Variants in PPP1R9A observed in about 807,000 individuals in gnomAD.
PPP1R9A encodes the protein protein phosphatase 1 regulatory subunit 9A.
PPP1R9A carries 59 observed loss-of-function variants against 141.9 expected under a neutral mutation model. The ratio of observed to expected loss-of-function variants is 0.42; its 90% CI spans 0.34 to 0.52. The LOEUF (loss-of-function observed/expected upper bound fraction) is 0.52, where lower values mean the gene tolerates loss of function less well. PPP1R9A is among the 20% of genes least tolerant of loss of function. PPP1R9A has a pLI of 0.10. For synonymous variants in PPP1R9A, 500 were observed against 569.7 expected (o/e 0.88, Z 1.74); for missense variants, 1,444 against 1,611.9 (o/e 0.90, Z 1.78).
intron 4 of PPP1R9A, among the ~76,000 whole-genome samples, chr7:95,143,937 AT>A (rs147626030): frequency 0.012 from 1,761 of 152,238 alleles, 40 homozygotes; most frequent in African/African-American, 0.038. Context: ...AAATGAGTGT[AT>A]CATTAACATA....
chr7:95,279,579 C>T (rs854532), intron 16 of PPP1R9A, among the ~76,000 whole-genome samples: 41,649 of 152,036 alleles, frequency 0.27, 6,639 homozygotes, highest in Middle Eastern at 0.48. Flanking sequence ...GCCTGACAAA[C>T]TTACATTCTT....
chr7:95,018,783 A>G (rs987440407), intron 2 of PPP1R9A, among the ~76,000 whole-genome samples: 2 of 152,150 alleles, frequency 1.3e-5, no homozygotes, highest in Non-Finnish European at 2.9e-5. Context: ...CAATGCAAAC[A>G]TGAAGCTCTT....
intron 2 of PPP1R9A, among the ~76,000 whole-genome samples, chr7:95,001,550 A>G (rs1584214256): frequency 1.3e-5 from 2 of 152,222 alleles, no homozygotes; most frequent in South Asian, 2.1e-4. Flanking sequence ...GACTCTCACA[A>G]TGTTATCCTT....
At chr7:95,282,681 C>T (rs969967297) in intron 16 of PPP1R9A, among the ~76,000 whole-genome samples, 1 of 152,182 alleles carries the variant, frequency 6.6e-6, no homozygotes, top group Non-Finnish European at 1.5e-5. Flanking sequence ...GAGTTCCTCA[C>T]CTAGAGTGTA....
intron 2 of PPP1R9A, among the ~76,000 whole-genome samples, chr7:94,957,764 TAC>T (rs1797220954): frequency 1.3e-5 from 2 of 152,194 alleles, no homozygotes; most frequent in South Asian, 4.1e-4. Flanking sequence ...TAGCCCACTT[TAC>T]TGTACGACCC....
At position 95,070,593 on chromosome 7, in the gene PPP1R9A, GTATA is replaced by G. The variant is rs71961632; in HGVS notation, c.1396-40651_1396-40648del. Among the ~76,000 whole-genome samples the G allele has an allele frequency of 1.7e-4, 19 of 111,910 alleles. 2 individuals are homozygous for G. Among genetic ancestry groups the G allele is most frequent in the African/African-American group, 3.6e-4 (10 of 27,928 alleles). 73.4% of individuals were successfully genotyped at this position (111,910 alleles called of 152,430 possible). A position where few individuals can be genotyped will look rare whatever the true frequency, so the allele number is the denominator to read the frequency against. ...ATTTCAATTATTTTTTAAATCTCTG[GTATA>G]TATATATATATATACACACACACAC... On this transcript the variant is annotated intron_variant, in intron 2 of 19. Transcript: ENST00000433360.
At chr7:95,131,735 G>A (rs1157275073) in intron 4 of PPP1R9A, among the ~76,000 whole-genome samples, 1 of 151,356 alleles carries the variant, frequency 6.6e-6, no homozygotes, top group East Asian at 1.9e-4. Context: ...AAATGACATT[G>A]GTAGTTTGAT....
intron 5 of PPP1R9A, among the ~76,000 whole-genome samples, chr7:95,173,522 A>G (rs1251826776): frequency 6.6e-6 from 1 of 152,080 alleles, no homozygotes; most frequent in Non-Finnish European, 1.5e-5. Context: ...AACTGCGTCA[A>G]AATTTAAAAC....
chr7:95,083,843 A>G (rs1238039555), intron 2 of PPP1R9A, among the ~76,000 whole-genome samples: 1 of 152,042 alleles, frequency 6.6e-6, no homozygotes, highest in Non-Finnish European at 1.5e-5. Flanking sequence ...GAAAACACTA[A>G]GTTCACAGAT....
intron 4 of PPP1R9A, among the ~76,000 whole-genome samples, chr7:95,140,624 C>G (rs1052194743): frequency 6.6e-6 from 1 of 152,126 alleles, no homozygotes; most frequent in Non-Finnish European, 1.5e-5. Context: ...TTCCTGGTCC[C>G]AAGTGGTCTA....
intron 5 of PPP1R9A, among the ~76,000 whole-genome samples, chr7:95,189,156 G>A (rs1034425954): frequency 1.3e-5 from 2 of 152,126 alleles, no homozygotes; most frequent in Non-Finnish European, 2.9e-5. Flanking sequence ...GAAATCTGCT[G>A]TTAATCTGGT....
At chr7:95,223,323 G>A (rs12704782) in intron 7 of PPP1R9A, among the ~76,000 whole-genome samples, 58,105 of 151,794 alleles carry the variant, frequency 0.38, 11,821 homozygotes, top group South Asian at 0.49. Flanking sequence ...TAATGAAAGT[G>A]TATATGGATG....
intron 2 of PPP1R9A, among the ~76,000 whole-genome samples, chr7:94,921,271 C>T (rs1367992979): frequency 6.6e-6 from 1 of 151,752 alleles, no homozygotes; most frequent in African/African-American, 2.4e-5. Flanking sequence ...ACTGTGAAAA[C>T]CCCTCTCTAC....
intron 2 of PPP1R9A, among the ~76,000 whole-genome samples, chr7:95,096,430 G>T (rs1056418724): frequency 6.6e-6 from 1 of 152,086 alleles, no homozygotes; most frequent in African/African-American, 2.4e-5. Context: ...TTGCACAAAT[G>T]ACTGGCCCCC....
At chr7:95,246,923 C>T (rs943226788) in intron 8 of PPP1R9A, among the ~76,000 whole-genome samples, 1 of 152,108 alleles carries the variant, frequency 6.6e-6, no homozygotes, top group Non-Finnish European at 1.5e-5. Context: ...CTGTACCTTT[C>T]CTGCAATTAA....
chr7:94,942,437 C>T (rs1044841065), intron 2 of PPP1R9A, among the ~76,000 whole-genome samples: 1 of 152,124 alleles, frequency 6.6e-6, no homozygotes, highest in Non-Finnish European at 1.5e-5. Flanking sequence ...AAATCTAGAC[C>T]TCTGTTTGCT....
At chr7:94,970,525 T>G (rs1483385474) in intron 2 of PPP1R9A, among the ~76,000 whole-genome samples, 1 of 152,098 alleles carries the variant, frequency 6.6e-6, no homozygotes, top group Non-Finnish European at 1.5e-5. Flanking sequence ...CCCAATGAGA[T>G]GAGCTGCGTA....
At chr7:95,280,823 G>A (rs1020319199) in intron 16 of PPP1R9A, among the ~76,000 whole-genome samples, 2 of 152,122 alleles carry the variant, frequency 1.3e-5, no homozygotes, top group African/African-American at 2.4e-5. Context: ...AGGAAGGAAC[G>A]AGGAGGAGAA....
At chr7:95,154,242 T>G (rs1160099290) in intron 4 of PPP1R9A, among the ~76,000 whole-genome samples, 1 of 152,096 alleles carries the variant, frequency 6.6e-6, no homozygotes. Context: ...CAATAAATTT[T>G]TATATTTGCT....
Sources: allele counts gnomAD v4.1 joint callset (sites outside exome capture counted in the v4.1 genomes callset), GRCh38; gene constraint gnomAD v4.1.1; transcripts MANE v1.5; gene names NCBI Gene and HGNC (gene_info 2026-07-23, HGNC 2026-07-21).